Variants in AKAP6 observed in about 807,000 individuals in gnomAD.
The protein encoded by AKAP6 is A-kinase anchor protein 6.
In AKAP6, 58 loss-of-function variants were observed where a neutral mutation model predicts 188.5. That is an observed-to-expected ratio of 0.31 (90% confidence interval 0.25 to 0.38). The LOEUF (loss-of-function observed/expected upper bound fraction) is 0.38. Ranked by LOEUF, AKAP6 falls within the 10% of genes least tolerant of loss-of-function variation. AKAP6 has a pLI of 1.00. For synonymous variants in AKAP6, 989 were observed against 998.6 expected (o/e 0.99, Z 0.18); for missense variants, 2,710 against 2,740.0 (o/e 0.99, Z 0.24).
chr14:32,382,387 C>T lies in AKAP6; in HGVS notation c.-34-51073C>T, dbSNP rs575420883. On this transcript the variant is annotated intron_variant, in intron 1 of 13. Coordinates refer to ENST00000280979, the MANE Select transcript of AKAP6 (RefSeq NM_004274.5). ...ATGTTCTCACTGTGTGAGCGCTGGG[C>T]GGGTTGCACACTGTCTTTGAGGCTT... is the stretch of plus-strand genomic sequence containing the variant. Among the ~76,000 whole-genome samples, 174 of 152,202 alleles carry T rather than the reference C, an allele frequency of 1.1e-3. 3 individuals carry two copies. In the South Asian group the frequency reaches 0.033, roughly 29 times the overall value.
At chr14:32,454,483 C>A (rs1425911031) in intron 2 of AKAP6, among the ~76,000 whole-genome samples, 3 of 152,202 alleles carry the variant, frequency 2.0e-5, no homozygotes, top group Non-Finnish European at 2.9e-5. Context: ...TGCCACAAGG[C>A]TTTACATGCA....
At chr14:32,382,373 G>A (rs898558020) in intron 1 of AKAP6, among the ~76,000 whole-genome samples, 3 of 152,190 alleles carry the variant, frequency 2.0e-5, no homozygotes, top group African/African-American at 7.2e-5. Context: ...TGTTCTCACT[G>A]TGTGAGCGCT....
intron 1 of AKAP6, among the ~76,000 whole-genome samples, chr14:32,427,552 A>T (rs1890076937): frequency 6.6e-6 from 1 of 152,226 alleles, no homozygotes; most frequent in African/African-American, 2.4e-5. Flanking sequence ...ATCCTCATTC[A>T]TCTGGCTAGG....
chr14:32,366,380 A>G (rs1887834727), intron 1 of AKAP6, among the ~76,000 whole-genome samples: 1 of 152,194 alleles, frequency 6.6e-6, no homozygotes, highest in Non-Finnish European at 1.5e-5. Flanking sequence ...CTCATGGGTT[A>G]AAAGTCTCAT....
intron 12 of AKAP6, among the ~76,000 whole-genome samples, chr14:32,809,632 G>A (rs1314293929): frequency 6.6e-6 from 1 of 152,166 alleles, no homozygotes; most frequent in Non-Finnish European, 1.5e-5. Flanking sequence ...TAAAGTTTAT[G>A]GAGTCACACA....
intron 12 of AKAP6, among the ~76,000 whole-genome samples, chr14:32,816,187 T>C (rs1291569759): frequency 6.6e-6 from 1 of 152,124 alleles, no homozygotes; most frequent in Non-Finnish European, 1.5e-5. Context: ...ATTGCTCTTA[T>C]ATGGTTTGTT....
chr14:32,445,973 G>A (rs528346992), intron 2 of AKAP6, among the ~76,000 whole-genome samples: 13 of 152,226 alleles, frequency 8.5e-5, no homozygotes, highest in Admixed American at 2.6e-4. Context: ...ATTCCTGGGC[G>A]TGCTGGACAT....
chr14:32,383,933 G>C (rs74041616), intron 1 of AKAP6, among the ~76,000 whole-genome samples: 102 of 152,290 alleles, frequency 6.7e-4, no homozygotes, highest in African/African-American at 2.2e-3. Flanking sequence ...CATATCTGCT[G>C]CCTTGAGAAC....
chr14:32,354,904 G>T (rs966305122), intron 1 of AKAP6, among the ~76,000 whole-genome samples: 1 of 152,172 alleles, frequency 6.6e-6, no homozygotes, highest in African/African-American at 2.4e-5. Context: ...GTGGATCCTG[G>T]TGTAACTAAC....
intron 12 of AKAP6, among the ~76,000 whole-genome samples, chr14:32,782,944 AC>A (rs1180157888): frequency 6.6e-6 from 1 of 152,070 alleles, no homozygotes; most frequent in Non-Finnish European, 1.5e-5. Flanking sequence ...GACATAGAAT[AC>A]CCAAAGCAAC....
At chr14:32,329,668 A>C (rs1030033963) in intron 1 of AKAP6, among the ~76,000 whole-genome samples, 1 of 152,154 alleles carries the variant, frequency 6.6e-6, no homozygotes, top group Non-Finnish European at 1.5e-5. Flanking sequence ...TTTCATAAAC[A>C]TAAGATGATT....
In AKAP6 at chr14:32,546,022, G is replaced by A; in HGVS notation, c.1369G>A (p.Glu457Lys). ...CCCTTCTGCTGCCAGCCAGTCTTAT[G>A]AGTGTTTACACAAGGTGGGGAATGG... ...NSPSAASQSY[E>K]CLHKVGNGNL... Residue 457 changes from glutamate to lysine, a missense_variant, in exon 4 of 14, where the codon GAG becomes AAG. Around this residue, in one of 2 missense-constraint regions of AKAP6, gnomAD observed 2,473 missense variants for 2,426.1 expected, o/e 1.02. Transcript: ENST00000280979. 6.2e-7 allele frequency: 1 copy of A among 1,614,116 alleles called. No homozygotes were observed. The highest frequency in any genetic ancestry group is 1.6e-4 in the Middle Eastern group (1 of 6,062).
At chr14:32,820,195 G>C (rs2034484569) in intron 12 of AKAP6, among the ~76,000 whole-genome samples, 1 of 151,910 alleles carries the variant, frequency 6.6e-6, no homozygotes, top group Non-Finnish European at 1.5e-5. Flanking sequence ...ATACTCATCT[G>C]CTTGGCTACG....
At chr14:32,692,747 T>C (rs540389011) in intron 8 of AKAP6, among the ~76,000 whole-genome samples, 1 of 152,322 alleles carries the variant, frequency 6.6e-6, no homozygotes, top group South Asian at 2.1e-4. Flanking sequence ...ATAATAAATT[T>C]ATCTCTTGCC....
At chr14:32,761,133 A>G (rs903183709) in intron 11 of AKAP6, among the ~76,000 whole-genome samples, 2 of 144,692 alleles carry the variant, frequency 1.4e-5, no homozygotes, top group Non-Finnish European at 3.0e-5. Flanking sequence ...AAGTTTATAA[A>G]GCCATCTCTA....
chr14:32,824,298 G>A lies in AKAP6; in HGVS notation c.6485G>A (p.Gly2162Asp), dbSNP rs1212009268. 1.9e-6 allele frequency: 3 copies of A among 1,613,834 alleles called. No individual in the cohort carries two copies. The highest frequency in any genetic ancestry group is 3.3e-4 in the Middle Eastern group (2 of 6,062). The change falls in exon 13 of 14, where the codon GGT (glycine) becomes GAT (aspartate). Residue 2162 changes from glycine (G) to aspartate (D), a missense_variant. This residue lies in a region of AKAP6 where 2,473 missense variants were observed against 2,426.1 expected (regional missense o/e 1.02). Transcript: ENST00000280979. ...TGCTTTTTTGAGGCCTGTGTTGAGG[G>A]TGACTCTGATGGAGAGGAGCCTTGT... is the stretch of plus-strand genomic sequence containing the variant. ...IECFFEACVEGDSDGEEPCFS... is the reference protein window; with the variant it reads ...IECFFEACVEDDSDGEEPCFS...
intron 9 of AKAP6, among the ~76,000 whole-genome samples, chr14:32,702,023 C>T (rs1206488204): frequency 4.6e-5 from 7 of 152,100 alleles, no homozygotes. Context: ...CATCTCTACC[C>T]TGATGTTCAA....
At chr14:32,771,773 G>A (rs1015124204) in intron 11 of AKAP6, among the ~76,000 whole-genome samples, 1 of 152,146 alleles carries the variant, frequency 6.6e-6, no homozygotes, top group Non-Finnish European at 1.5e-5. Flanking sequence ...TTATTTTAAA[G>A]ACAGTTTTGC....
intron 5 of AKAP6, among the ~76,000 whole-genome samples, chr14:32,590,669 A>C (rs981974005): frequency 2.6e-5 from 4 of 152,178 alleles, no homozygotes; most frequent in Admixed American, 2.6e-4. Context: ...TATATCTGTG[A>C]CAAGAAAAAC....
Sources: allele counts gnomAD v4.1 joint callset (sites outside exome capture counted in the v4.1 genomes callset), GRCh38; gene constraint gnomAD v4.1.1; regional missense constraint gnomAD v4.1.1; transcripts MANE v1.5; gene names NCBI Gene and HGNC (gene_info 2026-07-23, HGNC 2026-07-21).